NPAS3: variants seen among roughly 807,000 people sequenced by gnomAD.
NPAS3 encodes the protein neuronal PAS domain protein 3, also known as neuronal PAS domain-containing protein 3.
Under a neutral mutation model 73.1 loss-of-function variants are expected in NPAS3, and 14 were observed. That is an observed-to-expected ratio of 0.19 (90% CI 0.13 to 0.30). NPAS3 has a LOEUF of 0.30. Among genes scored for constraint, NPAS3 ranks in the 10% least tolerant of loss-of-function variants. The pLI is 1.00. For missense variants in NPAS3, 1,096 were observed against 1,250.0 expected, an observed-to-expected ratio of 0.88 and a Z score of 1.86; for synonymous variants, 620 against 541.5, an observed-to-expected ratio of 1.14 and a Z score of -2.01.
intron 5 of NPAS3, among the ~76,000 whole-genome samples, chr14:33,650,672 C>T (rs1046057264): frequency 8.5e-5 from 13 of 152,216 alleles, no homozygotes; most frequent in Admixed American, 6.5e-5. Flanking sequence ...GACATCCCCT[C>T]ACACAGCTCC....
rs771840433 is a variant in NPAS3, at chr14:33,051,296, A to AAAAAAAAAAAG, written c.51-4608_51-4607insAAAAAAAAAGA. On this transcript the variant is annotated intron_variant, in intron 1 of 11. Transcript: ENST00000356141. ...ACTCCGTCTCAAAAAAAAAAAAAAA[A>AAAAAAAAAAAG]AGAGAGACTAAAGAACTTCCCCACT... Among the ~76,000 whole-genome samples the AAAAAAAAAAAG allele has an allele frequency of 6.3e-5, 9 of 142,528 alleles. 1 individual carries two copies. The highest frequency in any genetic ancestry group is 2.2e-4 in the South Asian group (1 of 4,598). 93.5% of individuals were successfully genotyped at this position (142,528 alleles called of 152,430 possible). A position where few individuals can be genotyped will look rare whatever the true frequency, so the allele number is the denominator to read the frequency against.
At chr14:33,409,266 A>T (rs564277020) in intron 4 of NPAS3, among the ~76,000 whole-genome samples, 71 of 152,306 alleles carry the variant, frequency 4.7e-4, no homozygotes, top group African/African-American at 1.6e-3. Context: ...AGGTGCAGAA[A>T]TATAAATAGA....
chr14:33,749,431 A>G (rs369381300), intron 7 of NPAS3, among the ~76,000 whole-genome samples: 1 of 152,186 alleles, frequency 6.6e-6, no homozygotes, highest in Non-Finnish European at 1.5e-5. Flanking sequence ...TAGGCAGTTG[A>G]GTCTTGGGTA....
At chr14:32,990,025 G>A (rs1341381135) in intron 1 of NPAS3, among the ~76,000 whole-genome samples, 2 of 152,136 alleles carry the variant, frequency 1.3e-5, no homozygotes, top group Non-Finnish European at 2.9e-5. Flanking sequence ...GGATAAAGGA[G>A]GGAGTCACGA....
At chr14:33,552,108 G>C (rs1033501075) in intron 4 of NPAS3, among the ~76,000 whole-genome samples, 4 of 152,202 alleles carry the variant, frequency 2.6e-5, no homozygotes, top group African/African-American at 9.7e-5. Flanking sequence ...GCTGTCCTGG[G>C]CTTGATGTAT....
chr14:33,260,469 A>G (rs891765255), intron 3 of NPAS3, among the ~76,000 whole-genome samples: 4 of 152,028 alleles, frequency 2.6e-5, no homozygotes, highest in African/African-American at 4.8e-5. Flanking sequence ...GCACCCGTAC[A>G]TTTTTATGCA....
intron 1 of NPAS3, among the ~76,000 whole-genome samples, chr14:32,946,346 G>GCACACACACACA (rs5807694): frequency 8.2e-4 from 108 of 131,970 alleles, no homozygotes; most frequent in Admixed American, 1.0e-3. Context: ...ACACACACAC[G>GCACACACACACA]CGCACACACA....
intron 5 of NPAS3, among the ~76,000 whole-genome samples, chr14:33,669,134 A>ATCTG (rs1555431201): frequency 6.6e-6 from 1 of 151,662 alleles, no homozygotes; most frequent in African/African-American, 2.4e-5. Flanking sequence ...TGAAAGTGAC[A>ATCTG]TCTTTCTTAC....
intron 1 of NPAS3, among the ~76,000 whole-genome samples, chr14:33,050,391 C>T (rs74041771): frequency 1.4e-3 from 220 of 152,308 alleles, no homozygotes; most frequent in African/African-American, 5.1e-3. Context: ...TGAGGCCCAG[C>T]AGTCTTCCCT....
At chr14:33,039,334 T>C (rs1289610683) in intron 1 of NPAS3, among the ~76,000 whole-genome samples, 2 of 152,202 alleles carry the variant, frequency 1.3e-5, no homozygotes, top group Non-Finnish European at 2.9e-5. Context: ...TAATTTCCAT[T>C]ATATTCACTC....
intron 4 of NPAS3, among the ~76,000 whole-genome samples, chr14:33,386,648 A>G (rs1215476005): frequency 6.6e-6 from 1 of 152,116 alleles, no homozygotes; most frequent in Non-Finnish European, 1.5e-5. Context: ...GAACCCATTT[A>G]TCAACAGTTT....
chr14:33,196,049 C>T (rs1385207937), intron 2 of NPAS3, among the ~76,000 whole-genome samples: 1 of 152,178 alleles, frequency 6.6e-6, no homozygotes, highest in East Asian at 1.9e-4. Flanking sequence ...AACACAGAGT[C>T]AGAGAAATTA....
intron 3 of NPAS3, among the ~76,000 whole-genome samples, chr14:33,271,729 T>A (rs2041093146): frequency 6.6e-6 from 1 of 152,178 alleles, no homozygotes; most frequent in Non-Finnish European, 1.5e-5. Flanking sequence ...ATTAGCATAA[T>A]TAAATTAGCA....
At chr14:33,744,963 G>A (rs993861057) in intron 7 of NPAS3, among the ~76,000 whole-genome samples, 4 of 151,410 alleles carry the variant, frequency 2.6e-5, no homozygotes, top group Non-Finnish European at 5.9e-5. Context: ...TATCTAGACC[G>A]TGTGCAGTGG....
intron 4 of NPAS3, among the ~76,000 whole-genome samples, chr14:33,395,115 A>G (rs1489634176): frequency 1.3e-5 from 2 of 152,200 alleles, no homozygotes; most frequent in African/African-American, 4.8e-5. Flanking sequence ...GATCTCTTGA[A>G]AGATAATTGA....
intron 4 of NPAS3, among the ~76,000 whole-genome samples, chr14:33,410,755 C>T (rs2047886452): frequency 6.6e-6 from 1 of 152,102 alleles, no homozygotes; most frequent in South Asian, 2.1e-4. Context: ...AAGCAATTCT[C>T]CTGCCTCAGT....
At chr14:33,523,788 A>G (rs2053666630) in intron 4 of NPAS3, among the ~76,000 whole-genome samples, 1 of 152,060 alleles carries the variant, frequency 6.6e-6, no homozygotes, top group African/African-American at 2.4e-5. Context: ...TCAAGAAAAA[A>G]AAGACCCTGG....
chr14:33,493,347 T>C (rs2052000298), intron 4 of NPAS3, among the ~76,000 whole-genome samples: 1 of 151,664 alleles, frequency 6.6e-6, no homozygotes, highest in Non-Finnish European at 1.5e-5. Context: ...TTCACACTCC[T>C]AATTTATACT....
At chr14:33,198,303 T>C (rs887427177) in intron 2 of NPAS3, among the ~76,000 whole-genome samples, 1 of 152,224 alleles carries the variant, frequency 6.6e-6, no homozygotes, top group Non-Finnish European at 1.5e-5. Flanking sequence ...TTCCCTTATC[T>C]GGCCCCACCC....
Sources: gnomAD v4.1 joint callset for allele counts (sites outside exome capture counted in the v4.1 genomes callset) on GRCh38, gnomAD v4.1.1 for gene constraint, MANE v1.5 for transcripts, NCBI Gene and HGNC (gene_info 2026-07-23, HGNC 2026-07-21) for gene names.